The following PRELID2 variants were observed in gnomAD, a reference collection of about 807,000 sequenced individuals.
The protein encoded by PRELID2 is PRELI domain containing 2, also known as PRELI domain-containing protein 2.
A neutral mutation model predicts 28.4 loss-of-function variants in PRELID2; 25 were observed. That is an observed-to-expected ratio of 0.88 (90% CI 0.64 to 1.23). PRELID2 has a LOEUF of 1.23. Ranked by LOEUF, PRELID2 falls within the 50% of genes most tolerant of loss-of-function variation. The probability of loss-of-function intolerance (pLI) is 0.00; values close to 1 mark genes in which losing one functional copy is unlikely to be tolerated. For synonymous variants in PRELID2, 76 were observed against 71.6 expected (o/e 1.06, Z -0.31); for missense variants, 201 against 214.4 (o/e 0.94, Z 0.39).
chr5:145,438,259 G>A, the PRELID2 span, among the ~76,000 whole-genome samples: 1 of 151,534 alleles, frequency 6.6e-6, no homozygotes, highest in East Asian at 1.9e-4. Context: ...AGAGATTTGG[G>A]GAAAAAATAG....
chr5:145,516,599 G>C (rs928667881), intron 1 of PRELID2, among the ~76,000 whole-genome samples: 1 of 152,072 alleles, frequency 6.6e-6, no homozygotes, highest in African/African-American at 2.4e-5. Flanking sequence ...TCCCCATCAA[G>C]CTACCATTGA....
intron 1 of PRELID2, among the ~76,000 whole-genome samples, chr5:145,555,598 C>A (rs73307702): frequency 0.011 from 1,719 of 152,232 alleles, 41 homozygotes; most frequent in African/African-American, 0.04. Flanking sequence ...AGCTGACCAA[C>A]AATTCTCTCT....
the PRELID2 span, among the ~76,000 whole-genome samples, chr5:145,317,100 T>C: frequency 6.6e-6 from 1 of 152,214 alleles, no homozygotes; most frequent in Non-Finnish European, 1.5e-5. Flanking sequence ...GGAGACACGA[T>C]GTCACAGACT....
chr5:145,829,042 G>C (rs1047576053), intron 1 of PRELID2, among the ~76,000 whole-genome samples: 1 of 151,536 alleles, frequency 6.6e-6, no homozygotes, highest in African/African-American at 2.4e-5. Context: ...TGTGTGGTTT[G>C]GGGTTTTGTT....
chr5:145,400,805 C>A, the PRELID2 span, among the ~76,000 whole-genome samples: 4 of 152,116 alleles, frequency 2.6e-5, no homozygotes, highest in Non-Finnish European at 5.9e-5. Context: ...CACTACCCTA[C>A]CATCAACCAT....
chr5:145,752,815 T>C (rs1757159889), downstream of PRELID2, among the ~76,000 whole-genome samples: 1 of 152,216 alleles, frequency 6.6e-6, no homozygotes, highest in South Asian at 2.1e-4. Flanking sequence ...AATTGTTTTT[T>C]GTTTTTTGGG....
intron 1 of PRELID2, among the ~76,000 whole-genome samples, chr5:145,726,059 C>T (rs1222992728): frequency 6.6e-6 from 1 of 151,876 alleles, no homozygotes; most frequent in African/African-American, 2.4e-5. Flanking sequence ...GTCTCAGCTA[C>T]TCCAGAGGCT....
At chr5:145,388,728 T>A in the PRELID2 span, among the ~76,000 whole-genome samples, 3 of 152,166 alleles carry the variant, frequency 2.0e-5, no homozygotes, top group South Asian at 2.1e-4. Context: ...TAAATCTGTC[T>A]TTCCACATCT....
the PRELID2 span, among the ~76,000 whole-genome samples, chr5:145,413,997 G>A: frequency 6.6e-6 from 1 of 152,086 alleles, no homozygotes; most frequent in Non-Finnish European, 1.5e-5. Context: ...TTTCTAAAAA[G>A]TAATTGCTCT....
chr5:145,523,690 C>T (rs900246831), intron 1 of PRELID2, among the ~76,000 whole-genome samples: 1 of 152,042 alleles, frequency 6.6e-6, no homozygotes, highest in African/African-American at 2.4e-5. Context: ...TAAGTATTTC[C>T]ATAAAGGCCC....
At chr5:145,658,503 A>T (rs1159200200) in intron 1 of PRELID2, among the ~76,000 whole-genome samples, 1 of 152,154 alleles carries the variant, frequency 6.6e-6, no homozygotes, top group Non-Finnish European at 1.5e-5. Context: ...TCTCTCATGA[A>T]TGACTTAGTG....
chr5:145,743,945 C>T (rs1756915271), intron 1 of PRELID2, among the ~76,000 whole-genome samples: 1 of 152,238 alleles, frequency 6.6e-6, no homozygotes, highest in Non-Finnish European at 1.5e-5. Flanking sequence ...CGGGGAAGGG[C>T]AGCGCCCATC....
At chr5:145,481,404 C>A (rs1228374563) in intron 1 of PRELID2, among the ~76,000 whole-genome samples, 1 of 151,556 alleles carries the variant, frequency 6.6e-6, no homozygotes, top group African/African-American at 2.4e-5. Context: ...AACACAGAGA[C>A]CCTAAAACAA....
chr5:145,811,869 C>A (rs548503533), intron 4 of PRELID2, among the ~76,000 whole-genome samples: 9 of 152,154 alleles, frequency 5.9e-5, no homozygotes, highest in African/African-American at 2.2e-4. Flanking sequence ...ACTTCCAAAG[C>A]AAAATAAAGA....
chr5:145,251,788 G>A, the PRELID2 span, among the ~76,000 whole-genome samples: 1 of 152,016 alleles, frequency 6.6e-6, no homozygotes, highest in Non-Finnish European at 1.5e-5. Context: ...GCCTCATTGA[G>A]TGATACTTTT....
chr5:145,286,696 G>GTTTTTTTTTT, the PRELID2 span, among the ~76,000 whole-genome samples: 6 of 116,990 alleles, frequency 5.1e-5, 1 homozygote, highest in African/African-American at 2.4e-4. Context: ...CAACATAGAA[G>GTTTTTTTTTT]TTTTTGTTTT....
the PRELID2 span, among the ~76,000 whole-genome samples, chr5:145,338,911 C>G: frequency 1.3e-5 from 2 of 152,196 alleles, no homozygotes; most frequent in Non-Finnish European, 1.5e-5. Context: ...AAATAATCAA[C>G]TAAATCAAGC....
chr5:145,391,856 T>C, the PRELID2 span, among the ~76,000 whole-genome samples: 5 of 152,138 alleles, frequency 3.3e-5, no homozygotes, highest in African/African-American at 1.2e-4. Flanking sequence ...ATGCCACCAG[T>C]CTCTTTGCTA....
chr5:145,405,699 G>GTTTTTTTTTTTTTT, the PRELID2 span, among the ~76,000 whole-genome samples: 3 of 45,992 alleles, frequency 6.5e-5, 1 homozygote, highest in Non-Finnish European at 9.6e-5. Context: ...GTACCACATA[G>GTTTTTTTTTTTTTT]TTGTTTTTTT....
Sources: gnomAD v4.1 joint callset for allele counts (sites outside exome capture counted in the v4.1 genomes callset) on GRCh38, gnomAD v4.1.1 for gene constraint, MANE v1.5 for transcripts, NCBI Gene and HGNC (gene_info 2026-07-23, HGNC 2026-07-21) for gene names.